Variants in STMN2 observed in about 807,000 individuals in gnomAD.
STMN2 encodes stathmin-2.
STMN2 carries 2 observed loss-of-function variants against 24.1 expected under a neutral mutation model. The observed-to-expected ratio is 0.08, with a 90% CI of 0.03 to 0.26. STMN2 has a LOEUF of 0.26. Among genes scored for constraint, STMN2 ranks in the 10% least tolerant of loss-of-function variants. The pLI is 1.00. For missense variants in STMN2, 114 were observed against 213.6 expected, an observed-to-expected ratio of 0.53 and a Z score of 2.91; for synonymous variants, 83 against 77.5, an observed-to-expected ratio of 1.07 and a Z score of -0.37.
intron 4 of STMN2, among the ~76,000 whole-genome samples, chr8:79,661,166 A>T (rs35140079): frequency 1.3e-5 from 2 of 151,928 alleles, no homozygotes; most frequent in South Asian, 2.1e-4. Context: ...GTAGATACCC[A>T]GCAGTGGGAT....
intron 1 of STMN2, among the ~76,000 whole-genome samples, chr8:79,616,246 T>C (rs1249861576): frequency 6.6e-6 from 1 of 152,236 alleles, no homozygotes; most frequent in Non-Finnish European, 1.5e-5. Flanking sequence ...AATCTAGTTT[T>C]ATCAGATTTC....
chr8:79,619,266 G>T (rs955516509), intron 1 of STMN2, among the ~76,000 whole-genome samples: 2 of 152,138 alleles, frequency 1.3e-5, no homozygotes, highest in Non-Finnish European at 2.9e-5. Context: ...AGGATAAAGA[G>T]AATTGAGTGA....
At chr8:79,655,757 CA>C (rs1334747883) in intron 4 of STMN2, among the ~76,000 whole-genome samples, 1 of 152,170 alleles carries the variant, frequency 6.6e-6, no homozygotes, top group Non-Finnish European at 1.5e-5. Flanking sequence ...CCTATCCCCT[CA>C]AAAAACCTTT....
At chr8:79,626,097 C>A (rs1322832756) in intron 1 of STMN2, among the ~76,000 whole-genome samples, 2 of 151,996 alleles carry the variant, frequency 1.3e-5, no homozygotes, top group African/African-American at 4.8e-5. Flanking sequence ...ACACCCTATC[C>A]CCATTTTGTG....
intron 1 of STMN2, among the ~76,000 whole-genome samples, chr8:79,613,047 CG>C (rs1286836733): frequency 1.1e-4 from 17 of 152,228 alleles, no homozygotes; most frequent in African/African-American, 3.9e-4. Context: ...CCACCCAGCC[CG>C]GGCGCGAGAC....
intron 4 of STMN2, among the ~76,000 whole-genome samples, chr8:79,660,112 A>G (rs1818223123): frequency 6.6e-6 from 1 of 152,206 alleles, no homozygotes; most frequent in Non-Finnish European, 1.5e-5. Flanking sequence ...GAAGGAAAGT[A>G]TGTGGCAATA....
chr8:79,637,511 C>T (rs1010761732), intron 2 of STMN2, among the ~76,000 whole-genome samples: 1 of 152,182 alleles, frequency 6.6e-6, no homozygotes, highest in African/African-American at 2.4e-5. Flanking sequence ...CTTACTTTGG[C>T]TCTGCCACAA....
intron 1 of STMN2, among the ~76,000 whole-genome samples, chr8:79,622,366 A>G (rs1441914362): frequency 6.6e-6 from 1 of 152,258 alleles, no homozygotes; most frequent in African/African-American, 2.4e-5. Flanking sequence ...AAAAATTTAA[A>G]GTGAACATCT....
At chr8:79,646,749 T>C (rs1810226356) in intron 3 of STMN2, among the ~76,000 whole-genome samples, 2 of 152,314 alleles carry the variant, frequency 1.3e-5, no homozygotes, top group South Asian at 2.1e-4. Context: ...CACTACTTTA[T>C]GTGAATCACA....
At chr8:79,618,107 C>G (rs1362626892) in intron 1 of STMN2, among the ~76,000 whole-genome samples, 2 of 152,230 alleles carry the variant, frequency 1.3e-5, no homozygotes, top group African/African-American at 4.8e-5. Flanking sequence ...TTGCAGAGGT[C>G]ACACCTGTGA....
intron 1 of STMN2, among the ~76,000 whole-genome samples, chr8:79,615,338 A>T (rs1375579086): frequency 6.6e-6 from 1 of 152,236 alleles, no homozygotes; most frequent in Non-Finnish European, 1.5e-5. Flanking sequence ...TCCGAGCAGG[A>T]GGAAGCTCAG....
At chr8:79,646,870 C>T (rs1214545450) in intron 3 of STMN2, among the ~76,000 whole-genome samples, 1 of 151,910 alleles carries the variant, frequency 6.6e-6, no homozygotes, top group Admixed American at 6.6e-5. Flanking sequence ...ACAGTGATTC[C>T]AGAACTAAGG....
At chr8:79,611,714 G>C (rs1371572009) in intron 1 of STMN2, 2 of 973,060 alleles carry the variant, frequency 2.1e-6, no homozygotes, top group Non-Finnish European at 1.2e-6. Flanking sequence ...ACGGGGGGAG[G>C]GGATGGAGAG....
At chr8:79,644,143 C>T (rs367793967) in intron 3 of STMN2, among the ~76,000 whole-genome samples, 12 of 152,054 alleles carry the variant, frequency 7.9e-5, no homozygotes, top group Non-Finnish European at 1.3e-4. Context: ...GCATATATCT[C>T]AGTAATTATG....
intron 2 of STMN2, among the ~76,000 whole-genome samples, chr8:79,637,478 T>C (rs935200690): frequency 2.6e-5 from 4 of 152,220 alleles, no homozygotes; most frequent in African/African-American, 9.6e-5. Flanking sequence ...CTCTTTAGGT[T>C]TGATTTATCC....
At chr8:79,626,153 T>C (rs79458767) in intron 1 of STMN2, among the ~76,000 whole-genome samples, 1 of 151,880 alleles carries the variant, frequency 6.6e-6, no homozygotes, top group Non-Finnish European at 1.5e-5. Context: ...TATCTAAGGT[T>C]AATAGTTCCT....
intron 1 of STMN2, among the ~76,000 whole-genome samples, chr8:79,619,429 A>G (rs1301772912): frequency 6.6e-6 from 1 of 152,200 alleles, no homozygotes; most frequent in Non-Finnish European, 1.5e-5. Context: ...AAAGCTGCTC[A>G]CAGTAAACCT....
At chr8:79,653,463 G>A (rs765874640) in intron 3 of STMN2, among the ~76,000 whole-genome samples, 2 of 152,206 alleles carry the variant, frequency 1.3e-5, no homozygotes, top group Non-Finnish European at 2.9e-5. Flanking sequence ...AGGATTTTCT[G>A]TCTAATCTCC....
chr8:79,612,188 C>G (rs1039062933), intron 1 of STMN2, among the ~76,000 whole-genome samples: 1 of 152,070 alleles, frequency 6.6e-6, no homozygotes, highest in Admixed American at 6.5e-5. Flanking sequence ...TCCCCGCTCC[C>G]GACTCCCCGC....
Sources: gnomAD v4.1 joint callset for allele counts (sites outside exome capture counted in the v4.1 genomes callset) on GRCh38, gnomAD v4.1.1 for gene constraint, MANE v1.5 for transcripts, NCBI Gene and HGNC (gene_info 2026-07-23, HGNC 2026-07-21) for gene names.